PRKRIP1: variants seen among roughly 807,000 people sequenced by gnomAD.
PRKRIP1 encodes the protein PRKR-interacting protein 1.
A neutral mutation model predicts 29.3 loss-of-function variants in PRKRIP1; 29 were observed. The ratio of observed to expected loss-of-function variants is 0.99; its 90% CI spans 0.74 to 1.35. PRKRIP1 has a LOEUF of 1.35. Among genes scored for constraint, PRKRIP1 ranks in the 40% most tolerant of loss-of-function variants. PRKRIP1 has a pLI of 0.00. For missense variants in PRKRIP1, 247 were observed against 236.8 expected, an observed-to-expected ratio of 1.04 and a Z score of -0.28; for synonymous variants, 90 against 85.1, an observed-to-expected ratio of 1.06 and a Z score of -0.32.
chr7:102,408,356 C>T (rs1249150841), intron 5 of PRKRIP1, among the ~76,000 whole-genome samples: 1 of 152,196 alleles, frequency 6.6e-6, no homozygotes, highest in African/African-American at 2.4e-5. Flanking sequence ...TCAAACCTAT[C>T]GTGATCCAGC....
At chr7:102,398,701 G>A (rs996824985) in intron 2 of PRKRIP1, among the ~76,000 whole-genome samples, 5 of 152,190 alleles carry the variant, frequency 3.3e-5, no homozygotes, top group East Asian at 1.9e-4. Context: ...GATGGTGCGG[G>A]TTTAGTTCCA....
At chr7:102,420,771 C>T (rs1211047252) in intron 5 of PRKRIP1, among the ~76,000 whole-genome samples, 1 of 152,184 alleles carries the variant, frequency 6.6e-6, no homozygotes, top group Non-Finnish European at 1.5e-5. Flanking sequence ...CTTTTGAACA[C>T]TGACATGACG....
At chr7:102,406,300 G>A (rs781842170) in intron 4 of PRKRIP1, among the ~76,000 whole-genome samples, 1 of 152,158 alleles carries the variant, frequency 6.6e-6, no homozygotes, top group African/African-American at 2.4e-5. Flanking sequence ...TTTGGCTTTG[G>A]GAAGTGCTTT....
intron 4 of PRKRIP1, among the ~76,000 whole-genome samples, chr7:102,405,116 G>A (rs532670294): frequency 3.3e-5 from 5 of 152,162 alleles, no homozygotes; most frequent in African/African-American, 7.2e-5. Flanking sequence ...TAGTAGAGAC[G>A]AGGTTTCACC....
intron 5 of PRKRIP1, among the ~76,000 whole-genome samples, chr7:102,412,004 G>A (rs112465545): frequency 5.3e-4 from 81 of 151,862 alleles, no homozygotes; most frequent in African/African-American, 1.8e-3. Flanking sequence ...GTGCAGTGGC[G>A]TGATCTCAGC....
chr7:102,409,970 ATTC>A (rs1489049415), intron 5 of PRKRIP1, among the ~76,000 whole-genome samples: 2 of 152,110 alleles, frequency 1.3e-5, no homozygotes, highest in African/African-American at 2.4e-5. Context: ...TAAAACCTGT[ATTC>A]TTTGTTGTGT....
At chr7:102,412,983 A>G (rs2133189972) in intron 5 of PRKRIP1, among the ~76,000 whole-genome samples, 1 of 152,160 alleles carries the variant, frequency 6.6e-6, no homozygotes, top group East Asian at 1.9e-4. Context: ...TACTTATCCT[A>G]ACATAGGCCT....
At chr7:102,398,040 C>G (rs1207379231) in intron 2 of PRKRIP1, among the ~76,000 whole-genome samples, 1 of 151,288 alleles carries the variant, frequency 6.6e-6, no homozygotes, top group Non-Finnish European at 1.5e-5. Context: ...GAGCGACATT[C>G]TGTCTCAAAA....
chr7:102,424,116 A>G (rs1178891776), intron 5 of PRKRIP1, among the ~76,000 whole-genome samples: 3 of 152,260 alleles, frequency 2.0e-5, no homozygotes, highest in East Asian at 3.9e-4. Context: ...TGGGTATGAC[A>G]GTGAATTTTA....
intron 5 of PRKRIP1, among the ~76,000 whole-genome samples, chr7:102,417,249 G>C (rs1196293421): frequency 6.6e-6 from 1 of 152,048 alleles, no homozygotes; most frequent in Non-Finnish European, 1.5e-5. Flanking sequence ...GGCTGAGGTA[G>C]TGTGGTCAGG....
In PRKRIP1 at chr7:102,396,385, G is replaced by T; in HGVS notation, c.-27G>T. On this transcript the variant is annotated 5_prime_UTR_variant, in exon 1 of 6. Coordinates refer to ENST00000397912, the MANE Select transcript of PRKRIP1 (RefSeq NM_024653.4). ...GTCATACTTGCGCGCCGACGCCGCC[G>T]CTCGCTTGTGAAACTGGAAGGCTGC... The T allele has an allele frequency of 6.6e-7, 1 of 1,511,314 alleles. No homozygotes were observed. Among genetic ancestry groups the T allele is most frequent in the East Asian group, 2.5e-5 (1 of 40,230 alleles). The allele number at this position is 1,511,314 out of a possible 1,614,324, so 93.6% of individuals were successfully genotyped here. A position where few individuals can be genotyped will look rare whatever the true frequency, so the allele number is the denominator to read the frequency against.
rs782649680 is a variant in PRKRIP1 at position 102,419,879 on chromosome 7, GTGTGTGTGTGTGTGTGTT to G, written c.458-5133_458-5116del. Among the ~76,000 whole-genome samples, 13 of 115,684 alleles carry G rather than the reference GTGTGTGTGTGTGTGTGTT, an allele frequency of 1.1e-4. No individual in the cohort carries two copies. In the East Asian group the frequency reaches 2.6e-3, roughly 23 times the overall value. 75.9% of individuals were successfully genotyped at this position (115,684 alleles called of 152,430 possible). A position where few individuals can be genotyped will look rare whatever the true frequency, so the allele number is the denominator to read the frequency against. On this transcript the variant is annotated intron_variant, in intron 5 of 5. Transcript: ENST00000397912. ...TGTGTGTGTGTGTGTGTGTGTGTGT[GTGTGTGTGTGTGTGTGTT>G]TTTGAGATGGAGTCTCTCTGTCGCC...
At chr7:102,420,993 G>A (rs1212650575) in intron 5 of PRKRIP1, among the ~76,000 whole-genome samples, 1 of 152,098 alleles carries the variant, frequency 6.6e-6, no homozygotes, top group Non-Finnish European at 1.5e-5. Context: ...GGTTCCCCAC[G>A]ATGCCCCACA....
At chr7:102,420,639 T>C (rs1796669304) in intron 5 of PRKRIP1, among the ~76,000 whole-genome samples, 1 of 152,022 alleles carries the variant, frequency 6.6e-6, no homozygotes, top group Non-Finnish European at 1.5e-5. Flanking sequence ...AGAATGATAC[T>C]CTTGGACCCT....
intron 5 of PRKRIP1, among the ~76,000 whole-genome samples, chr7:102,419,125 A>G (rs1171231708): frequency 6.6e-6 from 1 of 152,134 alleles, no homozygotes; most frequent in African/African-American, 2.4e-5. Flanking sequence ...TAAAATTAGC[A>G]TAATTCAGCC....
At chr7:102,400,344 A>G (rs1259686612) in intron 3 of PRKRIP1, among the ~76,000 whole-genome samples, 1 of 152,162 alleles carries the variant, frequency 6.6e-6, no homozygotes, top group Non-Finnish European at 1.5e-5. Context: ...CCAAGAAATA[A>G]TCATAAAATA....
In PRKRIP1 at chr7:102,419,843, TTTTGTGTGTG is replaced by T. The variant is rs1246003509; in HGVS notation, c.458-5169_458-5160del. On this transcript the variant is annotated intron_variant, in intron 5 of 5. Transcript: ENST00000397912. ...TTTGTGTGCTACTGTTTTTTTGTGT[TTTTGTGTGTG>T]TGTGTGTGTGTGTGTGTGTGTGTGT... 1.0e-3 allele frequency among the ~76,000 whole-genome samples: 133 copies of T among 133,658 alleles called. 1 individual carries two copies. Among genetic ancestry groups the T allele is most frequent in the African/African-American group, 3.3e-3 (116 of 35,342 alleles). 87.7% of individuals were successfully genotyped at this position (133,658 alleles called of 152,430 possible).
intron 2 of PRKRIP1, 81 bp downstream of exon 2, chr7:102,397,779 C>T: frequency 7.4e-7 from 1 of 1,347,480 alleles, no homozygotes; most frequent in Non-Finnish European, 1.0e-6. Context: ...GGCGTGGTGG[C>T]TCATGCCTCT....
chr7:102,413,066 G>T (rs1262144827), intron 5 of PRKRIP1, among the ~76,000 whole-genome samples: 1 of 152,186 alleles, frequency 6.6e-6, no homozygotes, highest in South Asian at 2.1e-4. Flanking sequence ...CTTCTCCACA[G>T]TTGCACTACT....
Sources: gnomAD v4.1 joint callset for allele counts (sites outside exome capture counted in the v4.1 genomes callset) on GRCh38, gnomAD v4.1.1 for gene constraint, MANE v1.5 for transcripts, NCBI Gene and HGNC (gene_info 2026-07-23, HGNC 2026-07-21) for gene names.